TMEM253: variants seen among roughly 807,000 people sequenced by gnomAD.
The protein encoded by TMEM253 is transmembrane protein C14orf176.
Under a neutral mutation model 20.3 loss-of-function variants are expected in TMEM253, and 22 were observed. The ratio of observed to expected loss-of-function variants is 1.08; its 90% CI spans 0.78 to 1.55. The LOEUF is 1.55. Ranked by LOEUF, TMEM253 falls within the 40% of genes most tolerant of loss-of-function variation. The probability of loss-of-function intolerance (pLI) is 0.00; values close to 1 mark genes in which losing one functional copy is unlikely to be tolerated. For missense variants in TMEM253, 251 were observed against 266.1 expected (o/e 0.94, Z 0.39); for synonymous variants, 92 against 102.6 (o/e 0.90, Z 0.62).
At chr14:21,101,927 C>G in exon 3 of TMEM253, 1 of 1,551,674 alleles carries the variant, frequency 6.4e-7, no homozygotes, top group Non-Finnish European at 8.7e-7. Context: ...CCTGCCTGAA[C>G]TCTGATTGTC....
At chr14:21,102,156 T>G (rs1321815760) in intron 4 of TMEM253, 36 bp downstream of exon 4, 28 of 1,535,262 alleles carry the variant, frequency 1.8e-5, no homozygotes, top group Non-Finnish European at 2.5e-5. Flanking sequence ...GTCCTCCCAC[T>G]CCCTAAAACA....
At position 21,101,189 on chromosome 14, in the gene TMEM253, G is replaced by T. The variant is rs1423335277; in HGVS notation, c.-37+5G>T. The T allele has an allele frequency of 2.2e-5, 14 of 648,418 alleles. 1 individual carries two copies. In the East Asian group the frequency reaches 4.3e-4, roughly 20 times the overall value. The allele number at this position is 648,418 out of a possible 1,614,324, so 40.2% of individuals were successfully genotyped here. On this transcript the variant is annotated splice_donor_5th_base_variant and intron_variant, in intron 1 of 6. Transcript: ENST00000556585. Reference sequence around the variant, plus strand: ...GGAGTAGCTGCTTCAGACTAGGTAGGTGTGAGGACCTGGACCTCAAATCCC... The same window carrying T: ...GGAGTAGCTGCTTCAGACTAGGTAGTTGTGAGGACCTGGACCTCAAATCCC...
rs546027393 is a variant in TMEM253, at chr14:21,102,534, G to A, written c.387+19G>A. 9.7e-6 allele frequency: 15 copies of A among 1,551,802 alleles called. No homozygotes were observed. In the South Asian group the frequency reaches 1.8e-4, roughly 18 times the overall value. The stretch of plus-strand genomic sequence containing the variant: ...CTCCCAGGTACTGGTCAATGAAGGA[G>A]AAGGTGGGAGGATAAGGAGGCAAGA... On this transcript the variant is annotated intron_variant, in intron 5 of 6. Coordinates refer to ENST00000556585, the Ensembl canonical transcript of TMEM253.
chr14:21,102,392 G>T lies in TMEM253; in HGVS notation c.277-13G>T. The T allele has an allele frequency of 6.4e-7, 1 of 1,551,608 alleles. No homozygotes were observed. The highest frequency in any genetic ancestry group is 8.7e-7 in the Non-Finnish European group (1 of 1,146,906). ...CCCCTAGGCTGGGCAGGGCTGAGCT[G>T]GCTCACTGGCAGGTGCGGGCCATGA... On this transcript the variant is annotated splice_polypyrimidine_tract_variant and intron_variant, in intron 4 of 6. Coordinates refer to ENST00000556585, the Ensembl canonical transcript of TMEM253.
intron 2 of TMEM253, 46 bp downstream of exon 2, chr14:21,101,497 A>T: frequency 6.7e-7 from 1 of 1,498,598 alleles, no homozygotes; most frequent in Non-Finnish European, 9.1e-7. Context: ...GTCCACTTCT[A>T]CCCAATTCAA....
At chr14:21,102,580 G>C in intron 5 of TMEM253, 53 bp from the exon 6 acceptor site, 1 of 1,551,268 alleles carries the variant, frequency 6.4e-7, no homozygotes, top group South Asian at 1.2e-5. Flanking sequence ...AGGGAAAAGG[G>C]CAGGGGCAAA....
At position 21,102,630 on chromosome 14, in the gene TMEM253, C is replaced by T. The variant is rs1246922916; in HGVS notation, c.388-3C>T. 1.3e-6 allele frequency: 2 copies of T among 1,551,378 alleles called. No individual in the cohort carries two copies. The highest frequency in any genetic ancestry group is 2.4e-5 in the South Asian group (2 of 84,052). ...CTGCATTCTCAGCCCTGTCTACCTG[C>T]AGCATGCTGGCTTGCTGGTGCTGGA... On this transcript the variant is annotated splice_region_variant and splice_polypyrimidine_tract_variant and intron_variant, in intron 5 of 6. Coordinates refer to ENST00000556585, the Ensembl canonical transcript of TMEM253.
In TMEM253 at chr14:21,101,193, G is replaced by GA. The variant is rs1889602778; in HGVS notation, c.-37+10dup. On this transcript the variant is annotated intron_variant, in intron 1 of 6. Transcript: ENST00000556585. ...TAGCTGCTTCAGACTAGGTAGGTGT[G>GA]AGGACCTGGACCTCAAATCCCTGGA... is the stretch of plus-strand genomic sequence containing the variant. 5 of 678,872 alleles carry GA rather than the reference G, an allele frequency of 7.4e-6. No individual in the cohort carries two copies. The highest frequency in any genetic ancestry group is 5.3e-5 in the Admixed American group (2 of 38,006). 42.1% of individuals were successfully genotyped at this position (678,872 alleles called of 1,614,324 possible).
chr14:21,101,389 CG>C lies in TMEM253; in HGVS notation c.47del (p.Arg16LeufsTer20). 2 of 1,551,660 alleles carry C rather than the reference CG, an allele frequency of 1.3e-6. No homozygotes were observed. The highest frequency in any genetic ancestry group is 8.7e-7 in the Non-Finnish European group (1 of 1,146,964). On this transcript the variant is annotated frameshift_variant, in exon 2 of 7. Transcript: ENST00000556585. LOFTEE classifies it high-confidence loss of function. ...GCAAGAGCAGGAGAGACACAGCCTT[CG>C]TCTGGAAAAGCTACAACACTGGGCA...
chr14:21,101,268 T>A, intron 1 of TMEM253, 40 bp from the exon 2 acceptor site: 1 of 1,356,702 alleles, frequency 7.4e-7, no homozygotes, highest in South Asian at 1.3e-5. Context: ...TTGCATGTCC[T>A]GTCTCCTAAT....
intron 4 of TMEM253, 73 bp from the exon 5 acceptor site, chr14:21,102,332 C>T (rs1425570175): frequency 2.6e-6 from 4 of 1,516,274 alleles, no homozygotes; most frequent in Non-Finnish European, 3.6e-6. Context: ...TTGTCTTCAG[C>T]TAGGCTGCAA....
chr14:21,099,225 A>G (rs1221039598), upstream of TMEM253: 1 of 156,166 alleles, frequency 6.4e-6, no homozygotes, highest in African/African-American at 2.4e-5. Flanking sequence ...GATTTAGTCA[A>G]TATTTACTGA....
At position 21,102,134 on chromosome 14, in the gene TMEM253, A is replaced by C. The variant is rs1566557896; in HGVS notation, c.276+14A>C. On this transcript the variant is annotated intron_variant, in intron 4 of 6. Coordinates refer to ENST00000556585, the Ensembl canonical transcript of TMEM253. Reference sequence around the variant, plus strand: ...CGCCTTTGGAAGGTGAGAGGGAAGAAAACGCAGCACTGTCCTCCCACTCCC... The same window carrying C: ...CGCCTTTGGAAGGTGAGAGGGAAGACAACGCAGCACTGTCCTCCCACTCCC... 2 of 1,549,442 alleles carry C rather than the reference A, an allele frequency of 1.3e-6. No homozygotes were observed. Among genetic ancestry groups the C allele is most frequent in the South Asian group, 1.2e-5 (1 of 83,686 alleles).
intron 2 of TMEM253, 123 bp from the exon 3 acceptor site, chr14:21,101,741 TG>T (rs904002193): frequency 1.6e-5 from 12 of 759,134 alleles, no homozygotes; most frequent in Non-Finnish European, 2.3e-5. Context: ...GTCCTTGCTC[TG>T]GGTTGACTGC....
exon 1 of TMEM253, chr14:21,101,170 G>A: frequency 1.8e-6 from 1 of 564,940 alleles, no homozygotes; most frequent in Non-Finnish European, 3.1e-6. Context: ...CTTTGGAGTA[G>A]CTGCTTCAGA....
At position 21,101,452 on chromosome 14, in the gene TMEM253, G is replaced by A. The variant is rs1427013866; in HGVS notation, c.108+1G>A. 1 of 1,551,120 alleles carries A rather than the reference G, an allele frequency of 6.4e-7. No individual in the cohort carries two copies. The highest frequency in any genetic ancestry group is 1.4e-5 in the African/African-American group (1 of 73,020). On this transcript the variant is annotated splice_donor_variant, in intron 2 of 6. Coordinates refer to ENST00000556585, the Ensembl canonical transcript of TMEM253. LOFTEE classifies it high-confidence loss of function. ...GAGTGGGCACCTCTTGGTGCTAGCG[G>A]TGAGGCCAGGCTACCCCATCCCAGG...
At position 21,101,457 on chromosome 14, in the gene TMEM253, G is replaced by A. The variant is rs1409438278; in HGVS notation, c.108+6G>A. On this transcript the variant is annotated splice_donor_region_variant and intron_variant, in intron 2 of 6. Transcript: ENST00000556585. Reference sequence around the variant, plus strand: ...GGCACCTCTTGGTGCTAGCGGTGAGGCCAGGCTACCCCATCCCAGGTCTCA... The same window carrying A: ...GGCACCTCTTGGTGCTAGCGGTGAGACCAGGCTACCCCATCCCAGGTCTCA... 1 of 1,550,772 alleles carries A rather than the reference G, an allele frequency of 6.4e-7. No homozygotes were observed. The highest frequency in any genetic ancestry group is 8.7e-7 in the Non-Finnish European group (1 of 1,146,486).
chr14:21,101,445 G>A, exon 2 of TMEM253: 1 of 1,551,452 alleles, frequency 6.4e-7, no homozygotes, highest in Non-Finnish European at 8.7e-7. Context: ...ACCTCTTGGT[G>A]CTAGCGGTGA....
At chr14:21,099,687 T>C (rs1324153678), upstream of TMEM253, among the ~76,000 whole-genome samples, 2 of 152,216 alleles carry the variant, frequency 1.3e-5, no homozygotes. Context: ...CCACTAACAT[T>C]GAGCACTTGT....
Sources: allele counts gnomAD v4.1 joint callset (sites outside exome capture counted in the v4.1 genomes callset), GRCh38; gene constraint gnomAD v4.1.1; transcripts MANE v1.5; gene names NCBI Gene and HGNC (gene_info 2026-07-23, HGNC 2026-07-21).